CRYBG1: variants seen among roughly 807,000 people sequenced by gnomAD.
CRYBG1 encodes beta/gamma crystallin domain-containing protein 1.
Under a neutral mutation model 189.2 loss-of-function variants are expected in CRYBG1, and 139 were observed. The ratio of observed to expected loss-of-function variants is 0.73; its 90% CI spans 0.64 to 0.85. The LOEUF is 0.85. Ranked by LOEUF, CRYBG1 falls within the 40% of genes least tolerant of loss-of-function variation. CRYBG1 has a pLI of 0.00. For missense variants in CRYBG1, 2,611 were observed against 2,675.8 expected (o/e 0.98, Z 0.53); for synonymous variants, 1,023 against 1,017.1 (o/e 1.01, Z -0.11).
chr6:106,363,298 GT>G (rs1214559532), intron 1 of CRYBG1, among the ~76,000 whole-genome samples: 1 of 150,672 alleles, frequency 6.6e-6, no homozygotes, highest in East Asian at 1.9e-4. Flanking sequence ...CTCTCCTTGA[GT>G]TTTTTTATAT....
At position 106,562,580 on chromosome 6, in the gene CRYBG1, G is replaced by A. The variant is rs984256905; in HGVS notation, c.6138+1080G>A. On this transcript the variant is annotated intron_variant, in intron 20 of 21. Coordinates refer to ENST00000633556, the MANE Select transcript of CRYBG1 (RefSeq NM_001371242.2). ...CGGCTCACTTCAACCTGTACCTCCC[G>A]GGTTCACGCGATTCTCCTGCCTCAG... Among the ~76,000 whole-genome samples the A allele has an allele frequency of 1.1e-4, 16 of 152,042 alleles. No homozygotes were observed. The East Asian group carries it at 1.5e-3, about 15-fold the overall frequency.
chr6:106,372,988 T>C (rs1041733203), intron 1 of CRYBG1, among the ~76,000 whole-genome samples: 2 of 152,200 alleles, frequency 1.3e-5, no homozygotes, highest in Non-Finnish European at 2.9e-5. Context: ...CTAAAGCTCA[T>C]TGAACGAGTA....
In CRYBG1 at chr6:106,543,591, G is replaced by C. The variant is rs1432546648; in HGVS notation, c.5033G>C (p.Arg1678Thr). 6.2e-7 allele frequency: 1 copy of C among 1,613,686 alleles called. No homozygotes were observed. The highest frequency in any genetic ancestry group is 2.2e-5 in the East Asian group (1 of 44,876). ...TCAGTGGGGTCTATGAAAGTTCTAA[G>C]AGGCATGTAAGTACATGGGTGACTT... Reference protein sequence around the residue: ...FTSVGSMKVLRGIWVAYEKPG... With the variant: ...FTSVGSMKVLTGIWVAYEKPG... The change falls in exon 11 of 22, where the codon AGA (arginine) becomes ACA (threonine). Residue 1678 changes from arginine to threonine, a missense_variant. Arg to Thr is a moderately conservative substitution (Grantham distance 71, BLOSUM62 -1). This residue lies in a region of CRYBG1 where 1,622 missense variants were observed against 1,735.0 expected (regional missense o/e 0.93). Coordinates refer to ENST00000633556, the MANE Select transcript of CRYBG1 (RefSeq NM_001371242.2).
chr6:106,474,624 T>C (rs1203407668), intron 2 of CRYBG1, among the ~76,000 whole-genome samples: 1 of 151,956 alleles, frequency 6.6e-6, no homozygotes, highest in Non-Finnish European at 1.5e-5. Flanking sequence ...TTCCGGTCTA[T>C]CCCTCTGAGG....
At chr6:106,448,272 C>T (rs1771706499) in intron 1 of CRYBG1, among the ~76,000 whole-genome samples, 1 of 152,226 alleles carries the variant, frequency 6.6e-6, no homozygotes, top group Non-Finnish European at 1.5e-5. Context: ...ATTTAGCCAA[C>T]ACCCCATCAT....
chr6:106,438,179 C>T (rs1771498707), intron 1 of CRYBG1, among the ~76,000 whole-genome samples: 1 of 152,262 alleles, frequency 6.6e-6, no homozygotes. Context: ...CATTTAAAAA[C>T]TACTCTGAAG....
At chr6:106,550,189 C>G (rs964166253) in intron 13 of CRYBG1, among the ~76,000 whole-genome samples, 3 of 152,120 alleles carry the variant, frequency 2.0e-5, no homozygotes, top group Non-Finnish European at 2.9e-5. Flanking sequence ...GTTCCTGGCA[C>G]CTGGTAAATG....
chr6:106,571,630 G>A lies in CRYBG1; in HGVS notation c.*3064G>A. On this transcript the variant is annotated 3_prime_UTR_variant, in exon 22 of 22. Coordinates refer to ENST00000633556, the MANE Select transcript of CRYBG1 (RefSeq NM_001371242.2). Reference sequence around the variant, plus strand: ...AGGAGAATCGCTTAAGGTCAAGGCTGCAGTGAGCTGTGATTGTGCCACTGC... The same window carrying A: ...AGGAGAATCGCTTAAGGTCAAGGCTACAGTGAGCTGTGATTGTGCCACTGC... 1 of 203,578 alleles carries A rather than the reference G, an allele frequency of 4.9e-6. No individual in the cohort carries two copies. The highest frequency in any genetic ancestry group is 1.0e-5 in the Non-Finnish European group (1 of 99,168). 12.6% of individuals were successfully genotyped at this position (203,578 alleles called of 1,614,324 possible). A position where few individuals can be genotyped will look rare whatever the true frequency, so the allele number is the denominator to read the frequency against.
At chr6:106,385,425 G>T (rs1770365934) in intron 1 of CRYBG1, among the ~76,000 whole-genome samples, 1 of 152,146 alleles carries the variant, frequency 6.6e-6, no homozygotes, top group Non-Finnish European at 1.5e-5. Flanking sequence ...CAATCTCTTT[G>T]ACCTGAGCAG....
intron 2 of CRYBG1, among the ~76,000 whole-genome samples, chr6:106,496,469 T>C (rs1044878233): frequency 6.6e-6 from 1 of 152,162 alleles, no homozygotes; most frequent in Non-Finnish European, 1.5e-5. Context: ...GTAACAGAAT[T>C]AATACCTCGT....
In CRYBG1 at chr6:106,561,364, G is replaced by C; in HGVS notation, c.6002G>C (p.Arg2001Pro). Residue 2001 changes from arginine (R) to proline (P), a missense_variant, in exon 20 of 22, where the codon CGA becomes CCA. Transcript: ENST00000633556. ...TAGAAGCGAATTTATTTCAGACTTCGAAACAAAGCAACAGGGTTATTCATG... is the reference window on the plus strand; with the variant it reads ...TAGAAGCGAATTTATTTCAGACTTCCAAACAAAGCAACAGGGTTATTCATG... ...FVQKRIYFRL[R>P]NKATGLFMST... is the part of the protein sequence containing the mutation. 1 of 1,613,806 alleles carries C rather than the reference G, an allele frequency of 6.2e-7. No homozygotes were observed.
Position 106,519,418 on chromosome 6 carries a change from G to A in CRYBG1, c.2210G>A (p.Ser737Asn), listed in dbSNP as rs1346563341. The change falls in exon 4 of 22, where the codon AGT (serine) becomes AAT (asparagine). Residue 737 changes from serine to asparagine, a missense_variant. Physicochemically the swap from Ser to Asn is conservative, Grantham distance 46. Coordinates refer to ENST00000633556, the MANE Select transcript of CRYBG1 (RefSeq NM_001371242.2). ...EQPEKKVMPN[S>N]PQNGVLVKET... ...CCTGAAAAGAAAGTAATGCCAAACA[G>A]TCCCCAGAATGGTGTGCTGGTTAAG... 2 of 1,614,070 alleles carry A rather than the reference G, an allele frequency of 1.2e-6. No homozygotes were observed. Among genetic ancestry groups the A allele is most frequent in the Admixed American group, 3.3e-5 (2 of 60,018 alleles).
chr6:106,525,442 T>G, intron 6 of CRYBG1, 56 bp downstream of exon 6: 1 of 1,397,564 alleles, frequency 7.2e-7, no homozygotes. Context: ...ACATACTTAA[T>G]TAACTTTTTA....
chr6:106,374,811 C>T (rs148440478), intron 1 of CRYBG1, among the ~76,000 whole-genome samples: 1 of 152,224 alleles, frequency 6.6e-6, no homozygotes, highest in East Asian at 1.9e-4. Context: ...CACATACATA[C>T]ATTCTAGCAC....
chr6:106,416,432 G>A (rs566223581), intron 1 of CRYBG1, among the ~76,000 whole-genome samples: 2 of 152,306 alleles, frequency 1.3e-5, no homozygotes, highest in African/African-American at 4.8e-5. Context: ...TACTTCGATG[G>A]TACTCTTCAG....
chr6:106,533,718 C>T (rs371767986), intron 8 of CRYBG1, among the ~76,000 whole-genome samples: 7 of 151,948 alleles, frequency 4.6e-5, no homozygotes, highest in African/African-American at 1.2e-4. Flanking sequence ...TTTATTGAGA[C>T]GAAAAAGACT....
chr6:106,361,234 C>T (rs1357606546), intron 1 of CRYBG1, among the ~76,000 whole-genome samples, 153 bp downstream of exon 1: 1 of 152,200 alleles, frequency 6.6e-6, no homozygotes, highest in Admixed American at 6.5e-5. Context: ...CGGAGGGGAG[C>T]GATCGTAGCC....
intron 2 of CRYBG1, among the ~76,000 whole-genome samples, chr6:106,502,293 T>A (rs181333634): frequency 2.0e-5 from 3 of 152,366 alleles, no homozygotes; most frequent in African/African-American, 7.2e-5. Flanking sequence ...ATTGCACAAG[T>A]CATTCTTTTT....
chr6:106,548,293 C>T (rs893255405), intron 13 of CRYBG1, among the ~76,000 whole-genome samples: 5 of 152,154 alleles, frequency 3.3e-5, no homozygotes, highest in Non-Finnish European at 7.3e-5. Context: ...CTCCCCTCCC[C>T]CACTCCCCCC....
Sources: allele counts gnomAD v4.1 joint callset (sites outside exome capture counted in the v4.1 genomes callset), GRCh38; gene constraint gnomAD v4.1.1; regional missense constraint gnomAD v4.1.1; transcripts MANE v1.5; gene names NCBI Gene and HGNC (gene_info 2026-07-23, HGNC 2026-07-21).